TRMT11: variants seen among roughly 807,000 people sequenced by gnomAD.
TRMT11 encodes tRNA (guanine(10)-N(2))-methyltransferase TRMT11.
In TRMT11, 53 loss-of-function variants were observed where a neutral mutation model predicts 62.8. The ratio of observed to expected loss-of-function variants is 0.84; its 90% CI spans 0.68 to 1.06. TRMT11 has a LOEUF of 1.06. Among genes scored for constraint, TRMT11 ranks in the 50% least tolerant of loss-of-function variants. The probability of loss-of-function intolerance (pLI) is 0.00; values close to 1 mark genes in which losing one functional copy is unlikely to be tolerated. For synonymous variants in TRMT11, 188 were observed against 190.3 expected (o/e 0.99, Z 0.10); for missense variants, 556 against 553.4 (o/e 1.00, Z -0.05).
In TRMT11 at chr6:126,194,222, G is replaced by A. The variant is rs569989855; in HGVS notation, n.144-4577G>A. Among the ~76,000 whole-genome samples, 35 of 152,256 alleles carry A rather than the reference G, an allele frequency of 2.3e-4. No individual in the cohort carries two copies. In the South Asian group the frequency reaches 3.5e-3, roughly 15 times the overall value. On this transcript the variant is annotated intron_variant and non_coding_transcript_variant, in intron 1 of 3. Transcript: ENST00000444229. ...TGTGGATTTTCTGCATAAGTGTTCT[G>A]TCCATTCCATTGCTTAAGATGGGGT...
intron 17 of TRMT11, among the ~76,000 whole-genome samples, chr6:126,107,517 C>A (rs1353107378): frequency 2.0e-5 from 3 of 152,146 alleles, no homozygotes; most frequent in Non-Finnish European, 4.4e-5. Flanking sequence ...GATGGCCACC[C>A]AGCCCTTGCG....
chr6:126,002,738 TCAC>T (rs1792718514), intron 7 of TRMT11, among the ~76,000 whole-genome samples: 1 of 152,136 alleles, frequency 6.6e-6, no homozygotes, highest in Non-Finnish European at 1.5e-5. Context: ...CAAAGAGATG[TCAC>T]TTTACCTTTA....
At chr6:126,240,500 A>G in the TRMT11 span, among the ~76,000 whole-genome samples, 1 of 152,232 alleles carries the variant, frequency 6.6e-6, no homozygotes, top group African/African-American at 2.4e-5. Context: ...CCTGGGTATC[A>G]GCAGTGGAGG....
At chr6:126,043,363 T>G (rs1775941463), downstream of TRMT11, among the ~76,000 whole-genome samples, 2 of 151,792 alleles carry the variant, frequency 1.3e-5, no homozygotes, top group South Asian at 4.2e-4. Flanking sequence ...TTCATCCATG[T>G]CCCTACAAAG....
At chr6:126,055,796 G>A (rs72975958) in intron 17 of TRMT11, among the ~76,000 whole-genome samples, 4 of 152,200 alleles carry the variant, frequency 2.6e-5, no homozygotes, top group Non-Finnish European at 5.9e-5. Context: ...GTTCTATAAA[G>A]TTCTATAGTC....
At chr6:126,045,304 G>C (rs559432474) in intron 16 of TRMT11, among the ~76,000 whole-genome samples, 1 of 152,054 alleles carries the variant, frequency 6.6e-6, no homozygotes, top group Admixed American at 6.6e-5. Flanking sequence ...TATGTCAGGC[G>C]CTTGCAATAG....
downstream of TRMT11, among the ~76,000 whole-genome samples, chr6:126,202,751 G>A (rs1778749330): frequency 6.6e-6 from 1 of 152,134 alleles, no homozygotes; most frequent in African/African-American, 2.4e-5. Context: ...CAAACTTGAA[G>A]AATTTGGAAA....
At chr6:126,057,482 G>A (rs1239071606) in intron 17 of TRMT11, among the ~76,000 whole-genome samples, 1 of 152,178 alleles carries the variant, frequency 6.6e-6, no homozygotes, top group East Asian at 1.9e-4. Flanking sequence ...CTATTGATTG[G>A]AATGGATTAG....
chr6:126,121,784 G>C (rs1398029667), intron 21 of TRMT11, among the ~76,000 whole-genome samples: 2 of 152,058 alleles, frequency 1.3e-5, no homozygotes, highest in African/African-American at 4.8e-5. Flanking sequence ...ATATCCCCTA[G>C]ACTTTGCAGG....
intron 12 of TRMT11, among the ~76,000 whole-genome samples, chr6:126,026,675 G>A (rs535084035): frequency 8.7e-4 from 133 of 152,028 alleles, no homozygotes; most frequent in African/African-American, 3.0e-3. Flanking sequence ...GCGAGCCATC[G>A]CGCCCGGCTC....
intron 3 of TRMT11, among the ~76,000 whole-genome samples, chr6:126,200,700 G>A (rs750197341): frequency 1.3e-5 from 2 of 152,042 alleles, no homozygotes; most frequent in African/African-American, 2.4e-5. Flanking sequence ...GACTACAGGC[G>A]CCTACCACCA....
chr6:126,070,353 T>A lies in TRMT11; in HGVS notation c.*1437+17163T>A, dbSNP rs77505313. Among the ~76,000 whole-genome samples the A allele has an allele frequency of 2.6e-5, 4 of 152,296 alleles. No individual in the cohort carries two copies. The East Asian group carries it at 7.7e-4, about 29-fold the overall frequency. On this transcript the variant is annotated intron_variant and NMD_transcript_variant, in intron 17 of 22. Transcript: ENST00000648977. ...GCACAGACACCCTCTTCTCTTCTTG[T>A]CTTTCATTTTGCCCCCTCCCATATA...
intron 17 of TRMT11, among the ~76,000 whole-genome samples, chr6:126,093,631 A>ATATATATTTTTTTTTTT (rs1554236842): frequency 9.2e-5 from 9 of 98,014 alleles, no homozygotes; most frequent in African/African-American, 3.5e-4. Context: ...ATATATATAT[A>ATATATATTTTTTTTTTT]TTTTCCCCCA....
chr6:125,991,188 G>T (rs1275445756), intron 1 of TRMT11, among the ~76,000 whole-genome samples: 1 of 150,850 alleles, frequency 6.6e-6, no homozygotes, highest in Non-Finnish European at 1.5e-5. Flanking sequence ...GGAGGTTGCA[G>T]TGAGCCGAGA....
At chr6:126,041,345 A>G (rs1315226689), downstream of TRMT11, among the ~76,000 whole-genome samples, 1 of 152,058 alleles carries the variant, frequency 6.6e-6, no homozygotes, top group Non-Finnish European at 1.5e-5. Context: ...TATGTTTTAT[A>G]CTCGTAAATT....
At chr6:126,210,296 T>C in the TRMT11 span, among the ~76,000 whole-genome samples, 1 of 152,100 alleles carries the variant, frequency 6.6e-6, no homozygotes, top group Non-Finnish European at 1.5e-5. Flanking sequence ...CTAAAGAGGG[T>C]CACAGGGCAG....
At chr6:126,244,932 T>C in the TRMT11 span, among the ~76,000 whole-genome samples, 9 of 152,192 alleles carry the variant, frequency 5.9e-5, no homozygotes, top group Admixed American at 2.0e-4. Context: ...CAAAAAGTTA[T>C]TTTAAAAATT....
chr6:126,172,395 T>C (rs1201944194), upstream of TRMT11, among the ~76,000 whole-genome samples: 1 of 152,208 alleles, frequency 6.6e-6, no homozygotes, highest in African/African-American at 2.4e-5. Context: ...TCCCATCATG[T>C]GGCAGAACCC....
At chr6:126,001,670 G>T (rs1792514918) in intron 7 of TRMT11, among the ~76,000 whole-genome samples, 1 of 151,960 alleles carries the variant, frequency 6.6e-6, no homozygotes, top group Admixed American at 6.6e-5. Flanking sequence ...AGGCCATGTA[G>T]TATTCTATTC....
Sources: allele counts gnomAD v4.1 joint callset (sites outside exome capture counted in the v4.1 genomes callset), GRCh38; gene constraint gnomAD v4.1.1; transcripts MANE v1.5; gene names NCBI Gene and HGNC (gene_info 2026-07-23, HGNC 2026-07-21).